SYN3: variants seen among roughly 807,000 people sequenced by gnomAD.
SYN3 encodes synapsin III.
Under a neutral mutation model 65.8 loss-of-function variants are expected in SYN3, and 35 were observed. The observed-to-expected ratio is 0.53, with a 90% CI of 0.41 to 0.70. The LOEUF is 0.70. Ranked by LOEUF, SYN3 falls within the 30% of genes least tolerant of loss-of-function variation. The probability of loss-of-function intolerance (pLI) is 0.00; values close to 1 mark genes in which losing one functional copy is unlikely to be tolerated. For missense variants in SYN3, 680 were observed against 749.0 expected, an observed-to-expected ratio of 0.91 and a Z score of 1.08; for synonymous variants, 270 against 292.9, an observed-to-expected ratio of 0.92 and a Z score of 0.80.
intron 6 of SYN3, among the ~76,000 whole-genome samples, chr22:32,789,058 C>A (rs992671737): frequency 6.6e-6 from 1 of 152,262 alleles, no homozygotes; most frequent in African/African-American, 2.4e-5. Flanking sequence ...CTCCAGCTGG[C>A]TCCGGCTCCA....
At chr22:32,599,780 G>A (rs1036116996) in intron 6 of SYN3, among the ~76,000 whole-genome samples, 1 of 152,146 alleles carries the variant, frequency 6.6e-6, no homozygotes, top group Non-Finnish European at 1.5e-5. Flanking sequence ...ACGACTGAAT[G>A]AGAACTATGT....
chr22:32,962,728 T>C (rs771504518), intron 3 of SYN3, among the ~76,000 whole-genome samples: 20 of 152,114 alleles, frequency 1.3e-4, no homozygotes, highest in Non-Finnish European at 2.1e-4. Context: ...TCTGTAATAG[T>C]AACAGGTAAC....
chr22:32,565,514 A>G (rs911296908), intron 7 of SYN3, among the ~76,000 whole-genome samples: 1 of 149,604 alleles, frequency 6.7e-6, no homozygotes, highest in African/African-American at 2.4e-5. Context: ...AAAAATATAT[A>G]TAAATATATA....
intron 6 of SYN3, among the ~76,000 whole-genome samples, chr22:32,637,247 G>A (rs562608854): frequency 6.6e-6 from 1 of 152,292 alleles, no homozygotes; most frequent in Admixed American, 6.5e-5. Flanking sequence ...CTGCTTGCTA[G>A]CTGTGTGAGG....
intron 6 of SYN3, among the ~76,000 whole-genome samples, chr22:32,619,838 G>A (rs746672370): frequency 3.9e-5 from 6 of 152,212 alleles, no homozygotes; most frequent in East Asian, 3.9e-4. Context: ...CTGGGACCCC[G>A]TAATCATTTT....
intron 7 of SYN3, among the ~76,000 whole-genome samples, chr22:32,573,721 C>A (rs1157526078): frequency 6.8e-6 from 1 of 146,462 alleles, no homozygotes; most frequent in Non-Finnish European, 1.5e-5. Flanking sequence ...GGTGGTACAA[C>A]TGGAAAGGAA....
At chr22:32,559,610 C>A (rs1293472124) in intron 7 of SYN3, among the ~76,000 whole-genome samples, 1 of 152,066 alleles carries the variant, frequency 6.6e-6, no homozygotes. Context: ...GGGCGGATCA[C>A]GAGGTCAGAT....
intron 12 of SYN3, among the ~76,000 whole-genome samples, chr22:32,525,434 G>A (rs1012956882): frequency 3.3e-5 from 5 of 152,138 alleles, no homozygotes; most frequent in Admixed American, 6.5e-5. Flanking sequence ...GGGGCCGGGC[G>A]CAGTGGCTCA....
chr22:32,993,626 G>A (rs2052790589), intron 2 of SYN3, among the ~76,000 whole-genome samples: 2 of 152,230 alleles, frequency 1.3e-5, no homozygotes, highest in African/African-American at 2.4e-5. Context: ...TTACAGGCGT[G>A]AGCCACCATG....
At chr22:32,966,054 G>T (rs2051833795) in intron 3 of SYN3, among the ~76,000 whole-genome samples, 1 of 152,122 alleles carries the variant, frequency 6.6e-6, no homozygotes, top group South Asian at 2.1e-4. Flanking sequence ...GGCAGTCAAT[G>T]AATATTTGTG....
intron 6 of SYN3, among the ~76,000 whole-genome samples, chr22:32,843,813 T>C (rs577186345): frequency 5.5e-4 from 84 of 152,272 alleles, no homozygotes; most frequent in African/African-American, 1.9e-3. Context: ...TTTGAAGAAA[T>C]GCAGTCTACC....
At chr22:32,574,077 T>G (rs115672581) in intron 7 of SYN3, among the ~76,000 whole-genome samples, 1,720 of 151,876 alleles carry the variant, frequency 0.011, 32 homozygotes, top group African/African-American at 0.04. Context: ...TGAGCTTGGC[T>G]GGGGTTTTTT....
intron 7 of SYN3, among the ~76,000 whole-genome samples, chr22:32,594,725 T>C (rs1159778595): frequency 6.6e-6 from 1 of 152,154 alleles, no homozygotes; most frequent in East Asian, 1.9e-4. Context: ...GAACCTCAGG[T>C]GATCCACCCT....
intron 4 of SYN3, among the ~76,000 whole-genome samples, chr22:32,886,167 A>G (rs531228697): frequency 6.6e-6 from 1 of 152,336 alleles, no homozygotes; most frequent in East Asian, 1.9e-4. Context: ...AATGACACAC[A>G]TGGGTAAATT....
chr22:32,649,569 G>GTTCCAA (rs1357272437), intron 6 of SYN3, among the ~76,000 whole-genome samples: 3 of 152,180 alleles, frequency 2.0e-5, no homozygotes, highest in African/African-American at 7.2e-5. Flanking sequence ...CCCAGAACAT[G>GTTCCAA]CTCTTCTTAC....
intron 6 of SYN3, among the ~76,000 whole-genome samples, chr22:32,662,268 C>T (rs1375123438): frequency 6.6e-6 from 1 of 152,052 alleles, no homozygotes; most frequent in Non-Finnish European, 1.5e-5. Flanking sequence ...GCTGTCTTAT[C>T]TTAACTCATA....
chr22:32,685,674 C>T (rs926905766), intron 6 of SYN3, among the ~76,000 whole-genome samples: 144 of 152,296 alleles, frequency 9.5e-4, no homozygotes, highest in African/African-American at 3.2e-3. Flanking sequence ...TGTGTAAGTG[C>T]GCTCTGTGAT....
At chr22:32,566,035 G>T (rs1051171846) in intron 7 of SYN3, among the ~76,000 whole-genome samples, 7 of 152,000 alleles carry the variant, frequency 4.6e-5, no homozygotes, top group African/African-American at 1.5e-4. Flanking sequence ...TAGAGATGGG[G>T]TCTTGCTATG....
intron 3 of SYN3, among the ~76,000 whole-genome samples, chr22:32,957,117 T>C (rs1370599051): frequency 6.6e-6 from 1 of 152,140 alleles, no homozygotes; most frequent in Non-Finnish European, 1.5e-5. Flanking sequence ...TCTGGAGAGA[T>C]GGTTTTCTAC....
Sources: gnomAD v4.1 joint callset for allele counts (sites outside exome capture counted in the v4.1 genomes callset) on GRCh38, gnomAD v4.1.1 for gene constraint, MANE v1.5 for transcripts, NCBI Gene and HGNC (gene_info 2026-07-23, HGNC 2026-07-21) for gene names.